Variants in PARD3B observed in about 807,000 individuals in gnomAD.
PARD3B encodes the protein par-3 family cell polarity regulator beta, also known as partitioning defective 3 homolog B.
In PARD3B, 103 loss-of-function variants were observed where a neutral mutation model predicts 130.2. The ratio of observed to expected loss-of-function variants is 0.79; its 90% CI spans 0.67 to 0.93. The LOEUF is 0.93. Ranked by LOEUF, PARD3B falls within the 40% of genes least tolerant of loss-of-function variation. PARD3B has a pLI of 0.00. For synonymous variants in PARD3B, 583 were observed against 553.2 expected, an observed-to-expected ratio of 1.05 and a Z score of -0.76; for missense variants, 1,609 against 1,499.2, an observed-to-expected ratio of 1.07 and a Z score of -1.21.
At chr2:204,847,548 A>T (rs1411195646) in intron 2 of PARD3B, among the ~76,000 whole-genome samples, 1 of 152,174 alleles carries the variant, frequency 6.6e-6, no homozygotes, top group Non-Finnish European at 1.5e-5. Flanking sequence ...TTCAAGTTGC[A>T]TTCCATTCTG....
chr2:205,240,191 A>G (rs546829852), intron 15 of PARD3B, among the ~76,000 whole-genome samples: 71 of 152,354 alleles, frequency 4.7e-4, no homozygotes, highest in African/African-American at 1.6e-3. Flanking sequence ...AATCAGTGGC[A>G]CAGAAATTGA....
intron 15 of PARD3B, among the ~76,000 whole-genome samples, chr2:205,219,669 G>A (rs1474925952): frequency 6.6e-6 from 1 of 152,152 alleles, no homozygotes; most frequent in Non-Finnish European, 1.5e-5. Flanking sequence ...AAATGGGTTG[G>A]CACCTTATGG....
chr2:205,409,848 C>T (rs1012309440), intron 19 of PARD3B, among the ~76,000 whole-genome samples: 2 of 152,070 alleles, frequency 1.3e-5, no homozygotes, highest in Non-Finnish European at 2.9e-5. Flanking sequence ...ACTGAATTAC[C>T]TAGAACGATT....
chr2:205,115,190 C>T (rs1353437080), intron 6 of PARD3B, among the ~76,000 whole-genome samples: 3 of 152,114 alleles, frequency 2.0e-5, no homozygotes, highest in East Asian at 1.9e-4. Flanking sequence ...TCACTTCAAA[C>T]GAGGGAAATA....
At chr2:205,059,126 C>G (rs1019180402) in intron 4 of PARD3B, among the ~76,000 whole-genome samples, 8 of 151,910 alleles carry the variant, frequency 5.3e-5, no homozygotes, top group African/African-American at 1.9e-4. Context: ...AGATAAGGGT[C>G]CAACTTCAGT....
rs1030128127 is a variant in PARD3B at position 205,458,755 on chromosome 2, G to T, written c.3044+18083G>T. 6.6e-6 allele frequency among the ~76,000 whole-genome samples: 1 copy of T among 151,848 alleles called. No individual in the cohort carries two copies. The highest frequency in any genetic ancestry group is 1.5e-5 in the Non-Finnish European group (1 of 67,970). On this transcript the variant is annotated intron_variant, in intron 20 of 22. Coordinates refer to ENST00000406610, the MANE Select transcript of PARD3B (RefSeq NM_001302769.2). This position sits in a 1 kb window ranked among gnomAD's most constrained non-coding sequence, Gnocchi z 4.8. Reference sequence around the variant, plus strand: ...TTTAGTCATTTGGTCTTATCTCCTGGTATGCATATTTTTGATCAAATGCTA... The same window carrying T: ...TTTAGTCATTTGGTCTTATCTCCTGTTATGCATATTTTTGATCAAATGCTA...
chr2:204,956,336 T>C (rs1690234310), intron 2 of PARD3B, among the ~76,000 whole-genome samples: 2 of 152,204 alleles, frequency 1.3e-5, no homozygotes, highest in Non-Finnish European at 2.9e-5. Context: ...AGTTAAATAA[T>C]ATTGAATATG....
intron 2 of PARD3B, among the ~76,000 whole-genome samples, chr2:204,847,991 TC>T (rs771686191): frequency 2.0e-5 from 3 of 152,188 alleles, no homozygotes; most frequent in Non-Finnish European, 4.4e-5. Flanking sequence ...CTTCATCTGA[TC>T]ACGTAGGTAT....
At chr2:204,974,480 A>G in intron 3 of PARD3B, among the ~76,000 whole-genome samples, 1 of 152,098 alleles carries the variant, frequency 6.6e-6, no homozygotes, top group East Asian at 1.9e-4. Flanking sequence ...TTGTTTTTAT[A>G]TTTTTTTATA....
intron 1 of PARD3B, among the ~76,000 whole-genome samples, chr2:204,621,776 T>G (rs1574565504): frequency 1.3e-5 from 2 of 152,238 alleles, no homozygotes; most frequent in South Asian, 2.1e-4. Context: ...ACAGTCTATC[T>G]AAATTAGCCA....
chr2:204,855,452 G>T (rs2044888202), intron 2 of PARD3B, among the ~76,000 whole-genome samples: 3 of 151,596 alleles, frequency 2.0e-5, no homozygotes. Flanking sequence ...TGAGGCAGGA[G>T]AATCACTTGA....
intron 2 of PARD3B, among the ~76,000 whole-genome samples, chr2:204,886,597 A>G (rs578085065): frequency 6.6e-6 from 1 of 152,338 alleles, no homozygotes; most frequent in South Asian, 2.1e-4. Flanking sequence ...CATTATTAAG[A>G]AGGACCTGCC....
chr2:205,040,638 G>GT (rs1698331429), intron 3 of PARD3B, among the ~76,000 whole-genome samples: 1 of 152,094 alleles, frequency 6.6e-6, no homozygotes, highest in South Asian at 2.1e-4. Context: ...GGAAGAATGT[G>GT]TTTTTTTCTA....
chr2:205,502,827 A>G (rs1375160946), intron 21 of PARD3B, among the ~76,000 whole-genome samples: 2 of 152,064 alleles, frequency 1.3e-5, no homozygotes, highest in Non-Finnish European at 2.9e-5. Context: ...ATATATGACT[A>G]ATACTTTTTC....
intron 19 of PARD3B, among the ~76,000 whole-genome samples, chr2:205,425,443 G>C (rs1051546713): frequency 2.7e-4 from 41 of 151,404 alleles, no homozygotes; most frequent in African/African-American, 9.9e-4. Context: ...GTGTTTAGTA[G>C]CAATGGAAAG....
At chr2:204,835,865 GT>G (rs1399474435) in intron 2 of PARD3B, among the ~76,000 whole-genome samples, 1 of 152,196 alleles carries the variant, frequency 6.6e-6, no homozygotes, top group Non-Finnish European at 1.5e-5. Flanking sequence ...TTCCAAGCAT[GT>G]TTAGGCTAGG....
intron 20 of PARD3B, among the ~76,000 whole-genome samples, chr2:205,492,206 A>C (rs1206961427): frequency 6.6e-6 from 1 of 152,104 alleles, no homozygotes; most frequent in Admixed American, 6.6e-5. Context: ...TTGTTTCCTC[A>C]CCTACTAAGA....
In PARD3B at chr2:204,796,781, G is replaced by A. The variant is rs73066632; in HGVS notation, c.222+110499G>A. ...CTTACGTCGTTGGTTTTCAGTTTCT[G>A]CTCTTGTGTATTCGAATCCAGGTAC... On this transcript the variant is annotated intron_variant, in intron 2 of 22. Transcript: ENST00000406610. Among the ~76,000 whole-genome samples the A allele has an allele frequency of 9.0e-3, 1,377 of 152,268 alleles. 24 individuals are homozygous for A. Among genetic ancestry groups the A allele is most frequent in the African/African-American group, 0.031 (1,301 of 41,546 alleles).
At chr2:204,963,517 T>G (rs987488154) in intron 2 of PARD3B, among the ~76,000 whole-genome samples, 6 of 152,164 alleles carry the variant, frequency 3.9e-5, no homozygotes, top group Admixed American at 2.0e-4. Context: ...AATGTTAAAA[T>G]GAACATTACT....
Sources: gnomAD v4.1 joint callset for allele counts (sites outside exome capture counted in the v4.1 genomes callset) on GRCh38, gnomAD v4.1.1 for gene constraint, Gnocchi (gnomAD v3.1) non-coding constraint, MANE v1.5 for transcripts, NCBI Gene and HGNC (gene_info 2026-07-23, HGNC 2026-07-21) for gene names.